The following LDHD variants were observed in gnomAD, a reference collection of about 807,000 sequenced individuals.
LDHD encodes D-lactate dehydrogenase, mitochondrial.
In LDHD, 58 loss-of-function variants were observed where a neutral mutation model predicts 52.9. The observed-to-expected ratio is 1.10, with a 90% CI of 0.89 to 1.36. LDHD has a LOEUF of 1.36. LDHD is among the 40% of genes most tolerant of loss of function. The pLI, the probability that LDHD is intolerant of heterozygous loss-of-function variation, is 0.00. For missense variants in LDHD, 747 were observed against 668.0 expected, an observed-to-expected ratio of 1.12 and a Z score of -1.30; for synonymous variants, 350 against 288.6, an observed-to-expected ratio of 1.21 and a Z score of -2.16.
chr16:75,112,544 C>A (rs747351003), intron 10 of LDHD, 23 bp from the exon 11 acceptor site: 10 of 1,613,090 alleles, frequency 6.2e-6, no homozygotes, highest in Non-Finnish European at 8.5e-6. Context: ...AGGAGACATC[C>A]TCAGGGGGCT....
chr16:75,114,058 G>A lies in LDHD; in HGVS notation c.737C>T (p.Thr246Ile). The A allele has an allele frequency of 6.2e-7, 1 of 1,610,696 alleles. No individual in the cohort carries two copies. Among genetic ancestry groups the A allele is most frequent in the Admixed American group, 1.7e-5 (1 of 60,000 alleles). Residue 246 changes from threonine (T) to isoleucine (I), a missense_variant, in exon 6 of 11, where the codon ACA (threonine) becomes ATA (isoleucine). By Grantham distance (89) the Thr-to-Ile change is moderately conservative. Coordinates refer to ENST00000450168, the MANE Select transcript of LDHD (RefSeq NM_194436.3). ...GGGGAACGCACACGTGGCGGCCACT[G>A]TGGCCTCAGGGGCAGGGTGCAGGCG... The part of the protein sequence containing the change: ...TLRLHPAPEA[T>I]VAATCAFPSV...
At position 75,112,587 on chromosome 16, in the gene LDHD, T is replaced by C; in HGVS notation, c.1289+15A>G. ...CTCTGCCCTCAGCTCTTCCCCTCCC[T>C]GGCTTTGCTCCTACCTGCCCAGCTG... On this transcript the variant is annotated intron_variant, in intron 10 of 10. Coordinates refer to ENST00000450168, the MANE Select transcript of LDHD (RefSeq NM_194436.3). 2 of 1,613,902 alleles carry C rather than the reference T, an allele frequency of 1.2e-6. No individual in the cohort carries two copies. Among genetic ancestry groups the C allele is most frequent in the Non-Finnish European group, 1.7e-6 (2 of 1,179,918 alleles).
chr16:75,115,970 C>G (rs1327072261), intron 1 of LDHD, among the ~76,000 whole-genome samples: 1 of 152,068 alleles, frequency 6.6e-6, no homozygotes, highest in African/African-American at 2.4e-5. Context: ...GTTTCAAACT[C>G]CTGGGCTCAA....
intron 2 of LDHD, 55 bp downstream of exon 2, chr16:75,115,493 C>G (rs183231936): frequency 4.0e-4 from 635 of 1,583,652 alleles, no homozygotes; most frequent in Non-Finnish European, 5.1e-4. Context: ...CACCCTCTCT[C>G]TCAGCTGGGG....
rs766604435 is a variant in LDHD, at chr16:75,112,510, G to A, written c.1301C>T (p.Ala434Val). The A allele has an allele frequency of 1.2e-6, 2 of 1,612,982 alleles. No individual in the cohort carries two copies. Among genetic ancestry groups the A allele is most frequent in the African/African-American group, 2.7e-5 (2 of 74,938 alleles). Residue 434 changes from alanine (A) to valine (V), a missense_variant, in exon 11 of 11, where the codon GCT becomes GTT. Transcript: ENST00000450168. ...CTCCCCCGTGCACGTTCCGTGGAGA[G>A]CCAGTGCCCGCCTGGGGGCAGGAAG... ...FAEQLGRRALALHGTCTGEHG... is the reference protein window; with the variant it reads ...FAEQLGRRALVLHGTCTGEHG...
intron 7 of LDHD, 28 bp from the exon 8 acceptor site, chr16:75,113,690 C>A: frequency 6.2e-7 from 1 of 1,612,740 alleles, no homozygotes. Flanking sequence ...GGGCTGACAC[C>A]GGGCCGCCAC....
In LDHD at chr16:75,116,689, T is replaced by C; in HGVS notation, c.32A>G (p.Glu11Gly). 1 of 1,603,030 alleles carries C rather than the reference T, an allele frequency of 6.2e-7. No homozygotes were observed. The highest frequency in any genetic ancestry group is 8.5e-7 in the Non-Finnish European group (1 of 1,175,596). The change falls in exon 1 of 11, where the codon GAG becomes GGG. Residue 11 changes from glutamate to glycine, a missense_variant. Glu to Gly is a moderately conservative substitution (Grantham distance 98, BLOSUM62 -2). Transcript: ENST00000450168. ...GCAGTAGCCCCTCCAGGGGAACAGC[T>C]CCCAGGTTGCAGACCTGAGCAGTCG... MARLLRSATWELFPWRGYCSQ... is the reference protein window; with the variant it reads MARLLRSATWGLFPWRGYCSQ...
chr16:75,114,505 C>G, intron 5 of LDHD, 21 bp downstream of exon 5: 1 of 1,490,624 alleles, frequency 6.7e-7, no homozygotes, highest in South Asian at 1.3e-5. Context: ...AGAGCCCGGG[C>G]CCCCCGCAGA....
chr16:75,115,023 G>C (rs527339149), intron 3 of LDHD, 55 bp from the exon 4 acceptor site: 110 of 1,571,080 alleles, frequency 7.0e-5, no homozygotes, highest in Non-Finnish European at 9.1e-5. Context: ...ACCTGGCCAC[G>C]TCCCCGGACC....
In LDHD at chr16:75,112,087, C is replaced by T. The variant is rs547161248; in HGVS notation, c.*269G>A. ...GCTCTCTTCCCGCCAGGACAGGATG[C>T]GTAGGAGCAGAGAGGAAGCAGCTTT... On this transcript the variant is annotated 3_prime_UTR_variant, in exon 11 of 11. Transcript: ENST00000450168. 2 of 440,098 alleles carry T rather than the reference C, an allele frequency of 4.5e-6. No homozygotes were observed. The highest frequency in any genetic ancestry group is 7.2e-5 in the East Asian group (2 of 27,692). The allele number at this position is 440,098 out of a possible 1,614,324, so 27.3% of individuals were successfully genotyped here.
Position 75,114,039 on chromosome 16 carries a change from C to A in LDHD, c.756G>T (p.Ala252=), listed in dbSNP as rs575506633. 3.5e-5 allele frequency: 57 copies of A among 1,609,292 alleles called. 2 individuals are homozygous for A. The South Asian group carries it at 5.5e-4, about 16-fold the overall frequency. The part of the protein sequence containing the change: ...APEATVAATC[A]FPSVQAAVDS... ...CCACAGCAGCCTGGACACTGGGGAA[C>A]GCACACGTGGCGGCCACTGTGGCCT... is the stretch of plus-strand genomic sequence containing the variant. The change falls in exon 6 of 11, where the codon GCG becomes GCT. Residue 252 remains alanine, a synonymous_variant. Coordinates refer to ENST00000450168, the MANE Select transcript of LDHD (RefSeq NM_194436.3).
Position 75,115,032 on chromosome 16 carries a change from C to T in LDHD, c.328-64G>A, listed in dbSNP as rs2036513562. On this transcript the variant is annotated intron_variant, in intron 3 of 10. Transcript: ENST00000450168. ...TCTCTGACCTGGCCACGTCCCCGGA[C>T]CACACCCCGCGGGTGTCCCCCCAGC... The T allele has an allele frequency of 1.2e-5, 19 of 1,562,606 alleles. No individual in the cohort carries two copies. The South Asian group carries it at 2.3e-4, about 19-fold the overall frequency.
chr16:75,112,466 T>C lies in LDHD; in HGVS notation c.1345A>G (p.Lys449Glu). ...ACCTCCTCCTGCAGCAGCTGCCGCT[T>C]GCCCATTCCGATGCCATGCTCCCCC... ...CTGEHGIGMG[K>E]RQLLQEEVGA... Residue 449 changes from lysine to glutamate, a missense_variant, in exon 11 of 11, where the codon AAG becomes GAG. Lys to Glu is a moderately conservative substitution (Grantham distance 56). Coordinates refer to ENST00000450168, the MANE Select transcript of LDHD (RefSeq NM_194436.3). The C allele has an allele frequency of 1.2e-6, 2 of 1,613,426 alleles. No individual in the cohort carries two copies. The highest frequency in any genetic ancestry group is 1.1e-5 in the South Asian group (1 of 91,076).
At chr16:75,116,094 T>C (rs2036550204) in intron 1 of LDHD, among the ~76,000 whole-genome samples, 1 of 151,958 alleles carries the variant, frequency 6.6e-6, no homozygotes, top group South Asian at 2.1e-4. Context: ...ATCAGCAGGG[T>C]TCCTTCAATA....
At position 75,111,913 on chromosome 16, in the gene LDHD, GAGA is replaced by G. The variant is rs1443735100; in HGVS notation, c.*440_*442del. 7.4e-6 allele frequency: 1 copy of G among 134,234 alleles called. No individual in the cohort carries two copies. The highest frequency in any genetic ancestry group is 1.9e-4 in the East Asian group (1 of 5,266). 8.3% of individuals were successfully genotyped at this position (134,234 alleles called of 1,614,324 possible). On this transcript the variant is annotated 3_prime_UTR_variant, in exon 11 of 11. Coordinates refer to ENST00000450168, the MANE Select transcript of LDHD (RefSeq NM_194436.3). ...CAGATTTATTGGGGGAGGCCCCAAG[GAGA>G]AGACCTATCATCATGTCACGGGAGC...
At chr16:75,115,024 TC>T in intron 3 of LDHD, 56 bp from the exon 4 acceptor site, 1 of 1,568,632 alleles carries the variant, frequency 6.4e-7, no homozygotes, top group African/African-American at 1.4e-5. Context: ...CCTGGCCACG[TC>T]CCCGGACCAC....
intron 5 of LDHD, 54 bp downstream of exon 5, chr16:75,114,472 G>A (rs1218449329): frequency 1.4e-6 from 2 of 1,444,558 alleles, no homozygotes; most frequent in East Asian, 5.0e-5. Flanking sequence ...CTGCAGGGCA[G>A]CCCGCCAGCA....
In LDHD at chr16:75,113,878, C is replaced by T; in HGVS notation, c.830-8G>A. On this transcript the variant is annotated splice_region_variant and splice_polypyrimidine_tract_variant and intron_variant, in intron 6 of 10. Coordinates refer to ENST00000450168, the MANE Select transcript of LDHD (RefSeq NM_194436.3). ...TGACTTCATCCAGGAACTCTGGATC[C>T]AGGGAGATGGCAGGCCAGGTGAGGC... 1 of 1,613,834 alleles carries T rather than the reference C, an allele frequency of 6.2e-7. No individual in the cohort carries two copies. Among genetic ancestry groups the T allele is most frequent in the Non-Finnish European group, 8.5e-7 (1 of 1,180,006 alleles).
chr16:75,116,377 C>T (rs730168), intron 1 of LDHD, among the ~76,000 whole-genome samples: 46,484 of 152,038 alleles, frequency 0.31, 8,818 homozygotes, highest in East Asian at 0.6. Context: ...GGAACCCAGG[C>T]CCTTTCCTTC....
Sources: gnomAD v4.1 joint callset for allele counts (sites outside exome capture counted in the v4.1 genomes callset) on GRCh38, gnomAD v4.1.1 for gene constraint, MANE v1.5 for transcripts, NCBI Gene and HGNC (gene_info 2026-07-23, HGNC 2026-07-21) for gene names.